Variants in CCR3 observed in about 807,000 individuals in gnomAD.
CCR3 encodes the protein C-C motif chemokine receptor 3.
For missense variants in CCR3, 419 were observed against 437.5 expected (o/e 0.96, Z 0.38); for synonymous variants, 203 against 179.2 (o/e 1.13, Z -1.06).
chr3:46,220,345 A>G (rs572638746), intron 2 of CCR3, among the ~76,000 whole-genome samples: 6 of 152,256 alleles, frequency 3.9e-5, no homozygotes, highest in Admixed American at 3.3e-4. Flanking sequence ...ATAATAGATA[A>G]TAATAATAGA....
rs546688721 is a variant in CCR3, at chr3:46,246,373, A to G, written c.-12+3835A>G. 2.4e-4 allele frequency among the ~76,000 whole-genome samples: 37 copies of G among 152,134 alleles called. 2 individuals carry two copies. The South Asian group carries it at 7.5e-3, about 31-fold the overall frequency. On this transcript the variant is annotated intron_variant, in intron 1 of 1. Transcript: ENST00000395940. The stretch of plus-strand genomic sequence containing the variant: ...GCAGGCGGGCTGAGTCCGAAAAGAG[A>G]GTCAGCGAAGGGAGATAAGGGTGGG...
At chr3:46,217,398 C>A (rs974845040) in intron 2 of CCR3, among the ~76,000 whole-genome samples, 7 of 152,142 alleles carry the variant, frequency 4.6e-5, no homozygotes, top group Admixed American at 3.9e-4. Flanking sequence ...CAGTACTAAA[C>A]AGGTCATCAA....
chr3:46,255,101 G>A (rs1700394077), intron 1 of CCR3, among the ~76,000 whole-genome samples: 2 of 151,868 alleles, frequency 1.3e-5, no homozygotes, highest in Admixed American at 1.3e-4. Flanking sequence ...GCAAGAGTAG[G>A]CAGTATCACA....
At chr3:46,247,268 G>T (rs533824934) in intron 1 of CCR3, among the ~76,000 whole-genome samples, 1 of 152,242 alleles carries the variant, frequency 6.6e-6, no homozygotes, top group South Asian at 2.1e-4. Context: ...ACAGGAGTAT[G>T]ACTAGATAGA....
intron 2 of CCR3, among the ~76,000 whole-genome samples, chr3:46,212,426 T>G (rs1699725294): frequency 6.6e-6 from 1 of 152,104 alleles, no homozygotes; most frequent in African/African-American, 2.4e-5. Flanking sequence ...AAGAGGGTCT[T>G]AGGCAGTAGC....
chr3:46,260,836 G>A (rs1484677382), intron 1 of CCR3, among the ~76,000 whole-genome samples: 2 of 152,196 alleles, frequency 1.3e-5, no homozygotes, highest in African/African-American at 2.4e-5. Flanking sequence ...CTTATCAAGA[G>A]TAGACTAATA....
chr3:46,212,487 C>G (rs1338987576), intron 2 of CCR3, among the ~76,000 whole-genome samples: 1 of 146,498 alleles, frequency 6.8e-6, no homozygotes, highest in Non-Finnish European at 1.5e-5. Context: ...GCCCCCCTAC[C>G]ACACTCCTCT....
At chr3:46,236,056 G>T (rs1451844413) in intron 2 of CCR3, among the ~76,000 whole-genome samples, 1 of 152,126 alleles carries the variant, frequency 6.6e-6, no homozygotes, top group East Asian at 1.9e-4. Context: ...TTTATATATT[G>T]ATTAAGTATA....
intron 1 of CCR3, among the ~76,000 whole-genome samples, chr3:46,249,396 C>A (rs182458106): frequency 2.6e-4 from 40 of 151,998 alleles, no homozygotes; most frequent in African/African-American, 8.7e-4. Context: ...GGCATCAATA[C>A]CCACAACAGT....
At chr3:46,250,331 C>A (rs893300098) in intron 1 of CCR3, among the ~76,000 whole-genome samples, 1 of 151,890 alleles carries the variant, frequency 6.6e-6, no homozygotes, top group East Asian at 1.9e-4. Flanking sequence ...CCTAGCTTGG[C>A]CTGGCAAGGA....
At chr3:46,231,085 C>T (rs1699960388) in intron 2 of CCR3, among the ~76,000 whole-genome samples, 1 of 152,092 alleles carries the variant, frequency 6.6e-6, no homozygotes, top group South Asian at 2.1e-4. Context: ...CCATCACACC[C>T]AGCTAATTTT....
At chr3:46,265,000 A>G in intron 1 of CCR3, 148 bp from the exon 2 acceptor site, 1 of 620,874 alleles carries the variant, frequency 1.6e-6, no homozygotes, top group East Asian at 2.8e-5. Flanking sequence ...GGCACCTCTG[A>G]TATGCCTTTT....
At chr3:46,259,709 T>C (rs765655014) in intron 1 of CCR3, among the ~76,000 whole-genome samples, 3 of 152,128 alleles carry the variant, frequency 2.0e-5, no homozygotes, top group Non-Finnish European at 4.4e-5. Flanking sequence ...AATTCCAAAG[T>C]TAGCTTAAGG....
At chr3:46,258,280 G>C (rs146485223) in intron 1 of CCR3, among the ~76,000 whole-genome samples, 1 of 152,240 alleles carries the variant, frequency 6.6e-6, no homozygotes, top group East Asian at 1.9e-4. Flanking sequence ...TCCAAATAAA[G>C]ATAATAGCAA....
rs746106444 is a variant in CCR3, at chr3:46,265,674, TGAGACTG to T, written c.517_523del (p.Glu173LysfsTer27). ...CAGCTCTTCCTGAATTTATCTTCTA[TGAGACTG>T]AAGAGTTGTTTGAAGAGACTCTTTG... On this transcript the variant is annotated frameshift_variant, in exon 2 of 2. Transcript: ENST00000395940. LOFTEE classifies it low-confidence loss of function (END_TRUNC). The T allele has an allele frequency of 1.1e-5, 17 of 1,614,018 alleles. No homozygotes were observed. The highest frequency in any genetic ancestry group is 1.7e-5 in the Admixed American group (1 of 59,998).
At chr3:46,240,005 A>T (rs1700063490), upstream of CCR3, among the ~76,000 whole-genome samples, 1 of 152,326 alleles carries the variant, frequency 6.6e-6, no homozygotes, top group Non-Finnish European at 1.5e-5. Flanking sequence ...ACCAGCAGTC[A>T]ATCTTATCTC....
intron 1 of CCR3, 25 bp downstream of exon 1, chr3:46,242,563 G>C (rs1323251221): frequency 6.6e-6 from 1 of 152,006 alleles, no homozygotes; most frequent in Non-Finnish European, 1.5e-5. Context: ...TCCAGGAAAA[G>C]GGAGGTGGAA....
At chr3:46,231,587 C>G (rs917427492) in intron 2 of CCR3, among the ~76,000 whole-genome samples, 1 of 152,112 alleles carries the variant, frequency 6.6e-6, no homozygotes, top group Non-Finnish European at 1.5e-5. Flanking sequence ...AACACTGCAT[C>G]GTATACTTAA....
At chr3:46,231,076 C>T (rs1335040361) in intron 2 of CCR3, among the ~76,000 whole-genome samples, 1 of 152,142 alleles carries the variant, frequency 6.6e-6, no homozygotes, top group Non-Finnish European at 1.5e-5. Context: ...AGGCACACAC[C>T]ATCACACCCA....
Sources: allele counts gnomAD v4.1 joint callset (sites outside exome capture counted in the v4.1 genomes callset), GRCh38; gene constraint gnomAD v4.1.1; transcripts MANE v1.5; gene names NCBI Gene and HGNC (gene_info 2026-07-23, HGNC 2026-07-21).